Variants in HS3ST4 observed in about 807,000 individuals in gnomAD.
HS3ST4 encodes the protein heparan sulfate glucosamine 3-O-sulfotransferase 4.
Under a neutral mutation model 29.2 loss-of-function variants are expected in HS3ST4, and 17 were observed. That is an observed-to-expected ratio of 0.58 (90% CI 0.40 to 0.87). The LOEUF (loss-of-function observed/expected upper bound fraction) is 0.87. Among genes scored for constraint, HS3ST4 ranks in the 40% least tolerant of loss-of-function variants. The probability of loss-of-function intolerance (pLI) is 0.00; values close to 1 mark genes in which losing one functional copy is unlikely to be tolerated. For synonymous variants in HS3ST4, 314 were observed against 285.7 expected, an observed-to-expected ratio of 1.10 and a Z score of -1.00; for missense variants, 627 against 634.5, an observed-to-expected ratio of 0.99 and a Z score of 0.13.
chr16:25,789,424 TTCCTTCCTTCC>T (rs1966863676), intron 1 of HS3ST4, among the ~76,000 whole-genome samples: 1 of 54,056 alleles, frequency 1.8e-5, no homozygotes, highest in Non-Finnish European at 3.6e-5. Flanking sequence ...CCTTCCTTCC[TTCCTTCCTTCC>T]TTCCTTCCTT....
At chr16:25,721,593 A>G (rs1317028588) in intron 1 of HS3ST4, among the ~76,000 whole-genome samples, 1 of 152,180 alleles carries the variant, frequency 6.6e-6, no homozygotes, top group Non-Finnish European at 1.5e-5. Flanking sequence ...TCACACTGAA[A>G]ATGAAAGCCC....
intron 1 of HS3ST4, among the ~76,000 whole-genome samples, chr16:25,879,778 A>C (rs1967874763): frequency 6.6e-6 from 1 of 152,188 alleles, no homozygotes; most frequent in Non-Finnish European, 1.5e-5. Flanking sequence ...AGACTGGGTA[A>C]TTTATAAAAG....
At chr16:26,021,448 G>A (rs534115922) in intron 1 of HS3ST4, among the ~76,000 whole-genome samples, 1 of 152,046 alleles carries the variant, frequency 6.6e-6, no homozygotes, top group South Asian at 2.1e-4. Context: ...TGTGTTACCT[G>A]TCCGCCATTG....
intron 1 of HS3ST4, among the ~76,000 whole-genome samples, chr16:25,990,496 A>G (rs1969105205): frequency 6.6e-6 from 1 of 152,254 alleles, no homozygotes; most frequent in Non-Finnish European, 1.5e-5. Context: ...GGAGCCTTCT[A>G]GTAGGATTAT....
At position 25,917,332 on chromosome 16, in the gene HS3ST4, C is replaced by T. The variant is rs557601797; in HGVS notation, c.735-218280C>T. Among the ~76,000 whole-genome samples, 3 of 152,268 alleles carry T rather than the reference C, an allele frequency of 2.0e-5. No homozygotes were observed. In the South Asian group the frequency reaches 6.2e-4, roughly 32 times the overall value. Reference sequence around the variant, plus strand: ...GGTTCAAGCGATTCTCCTGCCTTACCCTCCCGAGTAGCTGGGATTACAGGC... The same window carrying T: ...GGTTCAAGCGATTCTCCTGCCTTACTCTCCCGAGTAGCTGGGATTACAGGC... On this transcript the variant is annotated intron_variant, in intron 1 of 1. Coordinates refer to ENST00000331351, the MANE Select transcript of HS3ST4 (RefSeq NM_006040.3).
rs3935369 is a variant in HS3ST4, at chr16:25,768,213, T to C, written c.734+75062T>C. ...TGCCACTTCTGTCTTTTCTCCCCAATGCATGTCTAAATCAATATGTACGTA... is the reference window on the plus strand; with the variant it reads ...TGCCACTTCTGTCTTTTCTCCCCAACGCATGTCTAAATCAATATGTACGTA... On this transcript the variant is annotated intron_variant, in intron 1 of 1. Transcript: ENST00000331351. 4.4e-3 allele frequency among the ~76,000 whole-genome samples: 663 copies of C among 152,306 alleles called. 3 individuals are homozygous for C. The highest frequency in any genetic ancestry group is 7.8e-3 in the Non-Finnish European group (530 of 68,020).
At chr16:25,979,501 A>C (rs1430563333) in intron 1 of HS3ST4, among the ~76,000 whole-genome samples, 1 of 152,200 alleles carries the variant, frequency 6.6e-6, no homozygotes, top group African/African-American at 2.4e-5. Flanking sequence ...TTTGCATGCA[A>C]GGGATCTAGG....
At chr16:25,741,889 C>A (rs1966656157) in intron 1 of HS3ST4, among the ~76,000 whole-genome samples, 1 of 152,138 alleles carries the variant, frequency 6.6e-6, no homozygotes, top group African/African-American at 2.4e-5. Context: ...GCCCTCCAAA[C>A]CCACATTCTT....
At chr16:25,972,231 G>A (rs1441286865) in intron 1 of HS3ST4, among the ~76,000 whole-genome samples, 1 of 152,176 alleles carries the variant, frequency 6.6e-6, no homozygotes, top group African/African-American at 2.4e-5. Context: ...GGTTGTATGG[G>A]CTAGCTATTG....
chr16:25,947,090 G>A (rs1968633948), intron 1 of HS3ST4, among the ~76,000 whole-genome samples: 2 of 152,152 alleles, frequency 1.3e-5, no homozygotes. Context: ...GTGATGGGGA[G>A]TGGAGCTAGT....
chr16:25,879,527 A>T (rs533541851), intron 1 of HS3ST4, among the ~76,000 whole-genome samples: 4 of 152,188 alleles, frequency 2.6e-5, no homozygotes, highest in Admixed American at 6.5e-5. Flanking sequence ...ATCTCCTGAG[A>T]CTTATTCACT....
At chr16:25,956,571 T>A (rs1366953219) in intron 1 of HS3ST4, among the ~76,000 whole-genome samples, 1 of 152,174 alleles carries the variant, frequency 6.6e-6, no homozygotes, top group Admixed American at 6.5e-5. Flanking sequence ...CAAATACTCC[T>A]CCAAAAGATG....
At chr16:25,855,734 T>C (rs1485009800) in intron 1 of HS3ST4, among the ~76,000 whole-genome samples, 6 of 152,188 alleles carry the variant, frequency 3.9e-5, no homozygotes, top group African/African-American at 1.4e-4. Context: ...ACCAAGGGGC[T>C]GTGTGTGTTT....
intron 1 of HS3ST4, among the ~76,000 whole-genome samples, chr16:26,039,276 C>T (rs1341879230): frequency 6.6e-6 from 1 of 152,156 alleles, no homozygotes; most frequent in Non-Finnish European, 1.5e-5. Flanking sequence ...CTAAATCTAT[C>T]TTTCCTTCCC....
intron 1 of HS3ST4, among the ~76,000 whole-genome samples, chr16:25,990,372 C>A (rs1476266704): frequency 6.6e-6 from 1 of 152,220 alleles, no homozygotes; most frequent in East Asian, 1.9e-4. Flanking sequence ...TGCATTCCCA[C>A]CAGCAGTGAA....
chr16:26,040,970 CT>C (rs1311449043), intron 1 of HS3ST4, among the ~76,000 whole-genome samples: 1 of 152,168 alleles, frequency 6.6e-6, no homozygotes, highest in Non-Finnish European at 1.5e-5. Flanking sequence ...GCACACTCAG[CT>C]CTGGGGAGGT....
At chr16:26,118,812 G>T (rs1460086139) in intron 1 of HS3ST4, among the ~76,000 whole-genome samples, 1 of 152,112 alleles carries the variant, frequency 6.6e-6, no homozygotes, top group Non-Finnish European at 1.5e-5. Context: ...GTGTTGCTGG[G>T]ACTTTGTTGA....
At chr16:25,891,934 T>C (rs1301872980) in intron 1 of HS3ST4, among the ~76,000 whole-genome samples, 1 of 152,226 alleles carries the variant, frequency 6.6e-6, no homozygotes, top group Admixed American at 6.5e-5. Context: ...ATGGGACTAC[T>C]AGTTGTACCT....
At chr16:25,872,172 A>C (rs537034264) in intron 1 of HS3ST4, among the ~76,000 whole-genome samples, 1 of 152,204 alleles carries the variant, frequency 6.6e-6, no homozygotes, top group Non-Finnish European at 1.5e-5. Context: ...CTGTCTCTCA[A>C]ATCCCAGAGC....
Sources: gnomAD v4.1 joint callset for allele counts (sites outside exome capture counted in the v4.1 genomes callset) on GRCh38, gnomAD v4.1.1 for gene constraint, MANE v1.5 for transcripts, NCBI Gene and HGNC (gene_info 2026-07-23, HGNC 2026-07-21) for gene names.